The following FLVCR2 variants were observed in gnomAD, a reference collection of about 807,000 sequenced individuals.
FLVCR2 encodes the protein FLVCR choline and putative heme transporter 2.
FLVCR2 carries 38 observed loss-of-function variants against 48.9 expected under a neutral mutation model. The observed-to-expected ratio is 0.78, with a 90% CI of 0.60 to 1.02. FLVCR2 has a LOEUF of 1.02. FLVCR2 is among the 50% of genes least tolerant of loss of function. The probability of loss-of-function intolerance (pLI) is 0.00; values close to 1 mark genes in which losing one functional copy is unlikely to be tolerated. For synonymous variants in FLVCR2, 255 were observed against 257.0 expected (o/e 0.99, Z 0.07); for missense variants, 664 against 663.3 (o/e 1.00, Z -0.01).
chr14:75,603,415 G>A (rs1214200156), intron 1 of FLVCR2, among the ~76,000 whole-genome samples: 1 of 152,196 alleles, frequency 6.6e-6, no homozygotes, highest in African/African-American at 2.4e-5. Context: ...AGAAGAGTCA[G>A]CTGGGGACAG....
At chr14:75,639,594 C>T (rs576759544) in intron 6 of FLVCR2, 132 bp downstream of exon 6, 2 of 733,312 alleles carry the variant, frequency 2.7e-6, no homozygotes, top group Admixed American at 2.0e-5. Context: ...ACATGGTGCC[C>T]AGGGGTCTCG....
intron 1 of FLVCR2, chr14:75,604,410 T>C (rs1889240404): frequency 1.3e-5 from 2 of 152,152 alleles, no homozygotes; most frequent in African/African-American, 4.8e-5. Flanking sequence ...AGCATTTAGA[T>C]AGTAGTTTCT....
At chr14:75,607,219 A>C (rs186427415) in intron 1 of FLVCR2, among the ~76,000 whole-genome samples, 1 of 152,268 alleles carries the variant, frequency 6.6e-6, no homozygotes, top group Non-Finnish European at 1.5e-5. Flanking sequence ...TAAATGAGGC[A>C]ATGTCTATGT....
At chr14:75,624,920 TA>T (rs539562223) in intron 3 of FLVCR2, among the ~76,000 whole-genome samples, 168 bp downstream of exon 3, 1 of 152,070 alleles carries the variant, frequency 6.6e-6, no homozygotes, top group African/African-American at 2.4e-5. Context: ...GCATGTGTTG[TA>T]AAGTCCACCT....
rs751019844 is a variant in FLVCR2, at chr14:75,634,891, G to A, written c.1021-19G>A. On this transcript the variant is annotated intron_variant, in intron 4 of 9. Coordinates refer to ENST00000238667, the MANE Select transcript of FLVCR2 (RefSeq NM_017791.3). ...CTTGTCCCATCGCCGGGTGATCTTT[G>A]GGGTTATGGTTTCCCCAGGGGGAAG... The A allele has an allele frequency of 3.8e-6, 6 of 1,567,700 alleles. No individual in the cohort carries two copies. The East Asian group carries it at 1.1e-4, about 29-fold the overall frequency.
At chr14:75,636,830 A>C (rs1335086014) in intron 5 of FLVCR2, among the ~76,000 whole-genome samples, 1 of 152,228 alleles carries the variant, frequency 6.6e-6, no homozygotes, top group Non-Finnish European at 1.5e-5. Context: ...TGTTTATCTC[A>C]GACTGGGACT....
chr14:75,587,608 T>G (rs1888782478), intron 1 of FLVCR2, among the ~76,000 whole-genome samples: 1 of 152,182 alleles, frequency 6.6e-6, no homozygotes, highest in African/African-American at 2.4e-5. Flanking sequence ...GCCCTTCCCT[T>G]TTCTTGGTAT....
At chr14:75,632,310 C>T (rs3784000) in intron 3 of FLVCR2, among the ~76,000 whole-genome samples, 37,252 of 152,098 alleles carry the variant, frequency 0.24, 6,216 homozygotes, top group African/African-American at 0.47. Flanking sequence ...AAAGGGAGTA[C>T]GTCAACTACC....
At chr14:75,640,603 C>T (rs537057554) in intron 6 of FLVCR2, 28 of 357,180 alleles carry the variant, frequency 7.8e-5, no homozygotes, top group Non-Finnish European at 1.4e-4. Context: ...ACTCCCAGCA[C>T]AGGGCCTGTG....
chr14:75,645,167 T>C (rs1284818562), intron 9 of FLVCR2, among the ~76,000 whole-genome samples: 1 of 151,960 alleles, frequency 6.6e-6, no homozygotes, highest in East Asian at 1.9e-4. Flanking sequence ...TGATGCCAAG[T>C]GTTAGCAAGA....
intron 1 of FLVCR2, among the ~76,000 whole-genome samples, chr14:75,617,156 T>C (rs936443320): frequency 6.6e-6 from 1 of 152,158 alleles, no homozygotes; most frequent in Non-Finnish European, 1.5e-5. Flanking sequence ...GTGTAATGGG[T>C]TGGGTATGGA....
intron 1 of FLVCR2, among the ~76,000 whole-genome samples, chr14:75,610,055 T>G (rs1889400324): frequency 6.6e-6 from 1 of 152,162 alleles, no homozygotes; most frequent in East Asian, 1.9e-4. Flanking sequence ...ATGTGAAAAC[T>G]TTGGAGTAAG....
In FLVCR2 at chr14:75,624,640, C is replaced by G. The variant is rs146480176; in HGVS notation, c.840C>G (p.Pro280=). Residue 280 remains proline, a synonymous_variant, in exon 3 of 10, where the codon CCC becomes CCG. Coordinates refer to ENST00000238667, the MANE Select transcript of FLVCR2 (RefSeq NM_017791.3). ...IVFKEKPKYP[P]SRAQSLSYAL... ...TCAAGGAGAAACCTAAATATCCCCCCAGCAGGGCCCAATCCCTGAGCTATG... is the reference window on the plus strand; with the variant it reads ...TCAAGGAGAAACCTAAATATCCCCCGAGCAGGGCCCAATCCCTGAGCTATG... The G allele has an allele frequency of 1.2e-6, 2 of 1,614,080 alleles. No individual in the cohort carries two copies. Among genetic ancestry groups the G allele is most frequent in the Non-Finnish European group, 1.7e-6 (2 of 1,180,014 alleles).
Position 75,597,775 on chromosome 14 carries a change from G to A in FLVCR2, c.669+18134G>A, listed in dbSNP as rs375361781. 9.9e-5 allele frequency among the ~76,000 whole-genome samples: 15 copies of A among 152,038 alleles called. No homozygotes were observed. The South Asian group carries it at 2.7e-3, about 27-fold the overall frequency. Reference sequence around the variant, plus strand: ...AGTAGAGATAGGGTTTCACCATGTCGGCCAGGCTGGTCTTGAACTCGCGAC... The same window carrying A: ...AGTAGAGATAGGGTTTCACCATGTCAGCCAGGCTGGTCTTGAACTCGCGAC... On this transcript the variant is annotated intron_variant, in intron 1 of 9. Transcript: ENST00000238667.
intron 3 of FLVCR2, chr14:75,631,958 GGCTCACTGTGCT>G: frequency 4.8e-6 from 2 of 420,124 alleles, no homozygotes; most frequent in South Asian, 3.6e-5. Context: ...GGCCCACTGT[GGCTCACTGTGCT>G]GCTCACTGTG....
chr14:75,589,942 A>G (rs941034489), intron 1 of FLVCR2, among the ~76,000 whole-genome samples: 3 of 152,224 alleles, frequency 2.0e-5, no homozygotes, highest in African/African-American at 7.2e-5. Flanking sequence ...CACGGTGACT[A>G]TCTGGAAACC....
chr14:75,617,573 A>T (rs913672066), intron 1 of FLVCR2, among the ~76,000 whole-genome samples: 77 of 152,294 alleles, frequency 5.1e-4, no homozygotes, highest in African/African-American at 1.8e-3. Flanking sequence ...TAGCTGTGTG[A>T]CCTTGAGCAA....
intron 8 of FLVCR2, 61 bp downstream of exon 8, chr14:75,641,354 C>A: frequency 9.3e-7 from 1 of 1,080,954 alleles, no homozygotes; most frequent in Non-Finnish European, 1.4e-6. Context: ...CCTAGTGTCT[C>A]GATGGAGCAA....
At chr14:75,606,624 T>C (rs1889297152) in intron 1 of FLVCR2, among the ~76,000 whole-genome samples, 1 of 152,158 alleles carries the variant, frequency 6.6e-6, no homozygotes, top group Non-Finnish European at 1.5e-5. Flanking sequence ...TTCTAAAGTA[T>C]GCTGCATGAG....
Sources: gnomAD v4.1 joint callset for allele counts (sites outside exome capture counted in the v4.1 genomes callset) on GRCh38, gnomAD v4.1.1 for gene constraint, MANE v1.5 for transcripts, NCBI Gene and HGNC (gene_info 2026-07-23, HGNC 2026-07-21) for gene names.